The following STAG1 variants were observed in gnomAD, a reference collection of about 807,000 sequenced individuals.
STAG1 encodes cohesin subunit SA-1.
A neutral mutation model predicts 170.9 loss-of-function variants in STAG1; 26 were observed. The ratio of observed to expected loss-of-function variants is 0.15; its 90% CI spans 0.11 to 0.21. STAG1 has a LOEUF of 0.21. STAG1 is among the 10% of genes least tolerant of loss of function. STAG1 has a pLI of 1.00. For synonymous variants in STAG1, 514 were observed against 497.7 expected (o/e 1.03, Z -0.44); for missense variants, 964 against 1,509.5 (o/e 0.64, Z 5.99).
At chr3:136,499,533 T>C (rs1204517369) in intron 9 of STAG1, among the ~76,000 whole-genome samples, 1 of 152,224 alleles carries the variant, frequency 6.6e-6, no homozygotes, top group Non-Finnish European at 1.5e-5. Flanking sequence ...TATCTTTGTC[T>C]ATCTACTTAC....
chr3:136,732,237 TAAAAA>T (rs71134406), intron 1 of STAG1, among the ~76,000 whole-genome samples: 2 of 85,758 alleles, frequency 2.3e-5, no homozygotes, highest in Non-Finnish European at 4.8e-5. Flanking sequence ...TATCCACAAC[TAAAAA>T]AAAAAAAAAA....
intron 9 of STAG1, among the ~76,000 whole-genome samples, chr3:136,489,001 A>C (rs1178806712): frequency 6.6e-6 from 1 of 152,262 alleles, no homozygotes; most frequent in African/African-American, 2.4e-5. Context: ...AAATAGTAAG[A>C]CAAGAGGAAA....
chr3:136,539,242 T>C (rs912995463), intron 6 of STAG1, among the ~76,000 whole-genome samples: 2 of 152,190 alleles, frequency 1.3e-5, no homozygotes, highest in Non-Finnish European at 2.9e-5. Flanking sequence ...ATCCGTAATA[T>C]TTCCTTTTCT....
At chr3:136,522,392 G>A (rs900553489) in intron 6 of STAG1, among the ~76,000 whole-genome samples, 1 of 152,102 alleles carries the variant, frequency 6.6e-6, no homozygotes, top group Non-Finnish European at 1.5e-5. Context: ...GAGTGGTAGG[G>A]AGCACTACAT....
chr3:136,534,017 C>T (rs927626641), intron 6 of STAG1, among the ~76,000 whole-genome samples: 7 of 152,166 alleles, frequency 4.6e-5, no homozygotes, highest in African/African-American at 1.7e-4. Flanking sequence ...TATTACAAGG[C>T]TATATTCGCC....
At chr3:136,686,338 T>C (rs1031442600) in intron 1 of STAG1, among the ~76,000 whole-genome samples, 5 of 152,316 alleles carry the variant, frequency 3.3e-5, no homozygotes, top group African/African-American at 9.6e-5. Flanking sequence ...AGTGTGGAAA[T>C]GGATGTATCC....
intron 1 of STAG1, among the ~76,000 whole-genome samples, chr3:136,722,978 T>A (rs901085529): frequency 1.3e-4 from 20 of 152,082 alleles, no homozygotes; most frequent in Non-Finnish European, 2.6e-4. Flanking sequence ...GCAGACGGAG[T>A]CTGGTTCACT....
intron 2 of STAG1, 55 bp from the exon 3 acceptor site, chr3:136,623,303 G>C: frequency 1.3e-6 from 2 of 1,512,894 alleles, no homozygotes. Context: ...ATGCATTTCT[G>C]TTTCACTACT....
At chr3:136,712,326 T>A (rs1943407378) in intron 1 of STAG1, among the ~76,000 whole-genome samples, 1 of 152,066 alleles carries the variant, frequency 6.6e-6, no homozygotes, top group African/African-American at 2.4e-5. Context: ...TACAGAGAAC[T>A]TTTCTGCACC....
rs189417276 is a variant in STAG1, at chr3:136,618,008, A to C, written c.132+5138T>G. Among the ~76,000 whole-genome samples, 53 of 152,328 alleles carry C rather than the reference A, an allele frequency of 3.5e-4. No individual in the cohort carries two copies. The Middle Eastern group carries it at 0.01, about 29-fold the overall frequency. ...ATCTTCTATGTATGAATAGACATTT[A>C]AAAATAAAAACTGTATCTTTTTATT... On this transcript the variant is annotated intron_variant, in intron 3 of 33. Coordinates refer to ENST00000383202, the MANE Select transcript of STAG1 (RefSeq NM_005862.3).
At chr3:136,669,300 T>C (rs938626606) in intron 1 of STAG1, among the ~76,000 whole-genome samples, 8 of 152,218 alleles carry the variant, frequency 5.3e-5, no homozygotes, top group African/African-American at 1.9e-4. Context: ...GTGAAATTAA[T>C]AACATTAATG....
intron 9 of STAG1, among the ~76,000 whole-genome samples, chr3:136,478,015 C>T (rs2089800740): frequency 6.6e-6 from 1 of 152,034 alleles, no homozygotes; most frequent in African/African-American, 2.4e-5. Context: ...GTCTTGAACT[C>T]CTGACCTCAA....
chr3:136,684,216 A>G (rs1559949673), intron 1 of STAG1, among the ~76,000 whole-genome samples: 1 of 152,226 alleles, frequency 6.6e-6, no homozygotes, highest in East Asian at 1.9e-4. Flanking sequence ...TAAAGTAGCC[A>G]ATATGATACT....
intron 9 of STAG1, among the ~76,000 whole-genome samples, chr3:136,479,089 T>TA (rs1436378314): frequency 6.6e-6 from 1 of 150,720 alleles, no homozygotes; most frequent in Non-Finnish European, 1.5e-5. Context: ...TTTTTTTTTT[T>TA]ATTATACTTT....
At chr3:136,751,679 C>T (rs1935250089) in intron 1 of STAG1, among the ~76,000 whole-genome samples, 1 of 152,096 alleles carries the variant, frequency 6.6e-6, no homozygotes, top group Non-Finnish European at 1.5e-5. Flanking sequence ...CTGAAATGAA[C>T]TCGTTGTCAT....
intron 9 of STAG1, among the ~76,000 whole-genome samples, chr3:136,495,842 G>A (rs1185795697): frequency 3.3e-5 from 5 of 151,816 alleles, no homozygotes; most frequent in Non-Finnish European, 5.9e-5. Flanking sequence ...GGTGGCAGGC[G>A]CCTGTAGTCC....
chr3:136,374,815 G>C (rs1259031121), intron 23 of STAG1, among the ~76,000 whole-genome samples: 1 of 152,038 alleles, frequency 6.6e-6, no homozygotes, highest in Non-Finnish European at 1.5e-5. Context: ...GGTACATATA[G>C]AGTCTACAGT....
At chr3:136,434,948 T>C (rs1364116781) in intron 15 of STAG1, among the ~76,000 whole-genome samples, 1 of 152,208 alleles carries the variant, frequency 6.6e-6, no homozygotes, top group African/African-American at 2.4e-5. Flanking sequence ...TCTCCACCAC[T>C]GTTAAACCAG....
chr3:136,461,944 A>G (rs2089285910), intron 13 of STAG1, among the ~76,000 whole-genome samples: 1 of 152,156 alleles, frequency 6.6e-6, no homozygotes, highest in African/African-American at 2.4e-5. Context: ...GTATACAAAA[A>G]GTGCTCTCAT....
Sources: allele counts gnomAD v4.1 joint callset (sites outside exome capture counted in the v4.1 genomes callset), GRCh38; gene constraint gnomAD v4.1.1; transcripts MANE v1.5; gene names NCBI Gene and HGNC (gene_info 2026-07-23, HGNC 2026-07-21).